KCNB2: variants seen among roughly 807,000 people sequenced by gnomAD.
KCNB2 encodes delayed rectifier potassium channel protein.
Under a neutral mutation model 61.5 loss-of-function variants are expected in KCNB2, and 15 were observed. The ratio of observed to expected loss-of-function variants is 0.24; its 90% CI spans 0.16 to 0.38. KCNB2 has a LOEUF of 0.38. KCNB2 is among the 10% of genes least tolerant of loss of function. The pLI is 1.00. For missense variants in KCNB2, 828 were observed against 1,125.2 expected, an observed-to-expected ratio of 0.74 and a Z score of 3.78; for synonymous variants, 457 against 446.0, an observed-to-expected ratio of 1.02 and a Z score of -0.31.
At chr8:72,691,979 G>T (rs1451830285) in intron 2 of KCNB2, among the ~76,000 whole-genome samples, 1 of 152,052 alleles carries the variant, frequency 6.6e-6, no homozygotes, top group African/African-American at 2.4e-5. Context: ...GCTCACACTT[G>T]TAATCCCAGC....
chr8:72,628,082 TAGC>T (rs965858877), intron 2 of KCNB2, among the ~76,000 whole-genome samples: 4 of 152,208 alleles, frequency 2.6e-5, no homozygotes, highest in African/African-American at 9.6e-5. Context: ...GCCTCCTGAG[TAGC>T]TGGGACTACA....
intron 2 of KCNB2, among the ~76,000 whole-genome samples, chr8:72,640,896 G>A (rs370014311): frequency 6.6e-5 from 10 of 152,134 alleles, no homozygotes; most frequent in South Asian, 4.1e-4. Context: ...TACGAAAATG[G>A]TATAAAAGTA....
At chr8:72,702,517 C>G (rs201537967) in intron 2 of KCNB2, among the ~76,000 whole-genome samples, 1 of 152,108 alleles carries the variant, frequency 6.6e-6, no homozygotes, top group African/African-American at 2.4e-5. Context: ...AAGTCAATTA[C>G]TTTGCTAGTG....
chr8:72,890,320 A>C (rs6472711), intron 2 of KCNB2, among the ~76,000 whole-genome samples: 137,437 of 151,898 alleles, frequency 0.9, 62,903 homozygotes, highest in Middle Eastern at 0.97. Context: ...GAGTGGCAGT[A>C]CAAAGGGTGT....
chr8:72,702,884 TC>T lies in KCNB2; in HGVS notation c.579+134573del, dbSNP rs1807156799. On this transcript the variant is annotated intron_variant, in intron 2 of 2. Coordinates refer to ENST00000523207, the MANE Select transcript of KCNB2 (RefSeq NM_004770.3). ...CAGGTGTCCTATGGATTTCCAGGGA[TC>T]CACTCCCCGTGGCATGTCTTTCCAT... is the stretch of plus-strand genomic sequence containing the variant. 2.0e-5 allele frequency among the ~76,000 whole-genome samples: 3 copies of T among 152,146 alleles called. No homozygotes were observed. The South Asian group carries it at 6.2e-4, about 32-fold the overall frequency.
At chr8:72,675,157 G>C (rs1180735708) in intron 2 of KCNB2, among the ~76,000 whole-genome samples, 1 of 151,584 alleles carries the variant, frequency 6.6e-6, no homozygotes, top group African/African-American at 2.4e-5. Flanking sequence ...CACAAAGCAA[G>C]GTAGTATATC....
chr8:72,655,413 A>G (rs1047033406), intron 2 of KCNB2, among the ~76,000 whole-genome samples: 6 of 152,116 alleles, frequency 3.9e-5, no homozygotes, highest in African/African-American at 1.2e-4. Flanking sequence ...ATTTACCTGT[A>G]TAACAAACCC....
At chr8:72,808,430 A>T (rs938737035) in intron 2 of KCNB2, among the ~76,000 whole-genome samples, 1 of 152,220 alleles carries the variant, frequency 6.6e-6, no homozygotes, top group East Asian at 1.9e-4. Flanking sequence ...AGCACCTAAT[A>T]TAGTGCCTGG....
chr8:72,712,388 G>C (rs913463002), intron 2 of KCNB2, among the ~76,000 whole-genome samples: 1 of 152,172 alleles, frequency 6.6e-6, no homozygotes, highest in Non-Finnish European at 1.5e-5. Flanking sequence ...CTTATGATAT[G>C]CTTTTTGTTT....
chr8:72,859,638 G>A (rs1220161548), intron 2 of KCNB2, among the ~76,000 whole-genome samples: 2 of 147,832 alleles, frequency 1.4e-5, no homozygotes, highest in African/African-American at 5.0e-5. Flanking sequence ...CTCTTGGATT[G>A]GCTTCTTTCA....
At chr8:72,771,090 G>A (rs79484586) in intron 2 of KCNB2, among the ~76,000 whole-genome samples, 2 of 152,212 alleles carry the variant, frequency 1.3e-5, no homozygotes, top group Non-Finnish European at 2.9e-5. Flanking sequence ...GCTGAAGTCT[G>A]TGGTTTCTCC....
chr8:72,863,572 T>C (rs1805453195), intron 2 of KCNB2, among the ~76,000 whole-genome samples: 1 of 152,228 alleles, frequency 6.6e-6, no homozygotes, highest in Admixed American at 6.5e-5. Flanking sequence ...TTCACCATTG[T>C]GTCATCATTA....
intron 2 of KCNB2, among the ~76,000 whole-genome samples, chr8:72,571,975 T>C (rs1465615318): frequency 6.6e-6 from 1 of 152,186 alleles, no homozygotes; most frequent in Non-Finnish European, 1.5e-5. Flanking sequence ...CCTGTAAATA[T>C]TGCATATAGT....
intron 2 of KCNB2, among the ~76,000 whole-genome samples, chr8:72,746,572 T>C (rs1436565733): frequency 6.6e-6 from 1 of 152,168 alleles, no homozygotes; most frequent in Non-Finnish European, 1.5e-5. Context: ...CTGGGAGACA[T>C]GTGGCTTCAT....
chr8:72,692,650 A>T (rs1036563867), intron 2 of KCNB2, among the ~76,000 whole-genome samples: 5 of 152,186 alleles, frequency 3.3e-5, no homozygotes, highest in Non-Finnish European at 7.3e-5. Context: ...TCTCACGTAC[A>T]TAATTTCACA....
rs1467103982 is a variant in KCNB2 at position 72,936,210 on chromosome 8, G to A, written c.855G>A (p.Glu285=). ...LPYYVTIFLT[E]SNKSVLQFQN... ...ACTATGTCACCATTTTTCTGACGGA[G>A]TCCAACAAGAGCGTGCTGCAGTTCC... is the stretch of plus-strand genomic sequence containing the variant. The change falls in exon 3 of 3, where the codon GAG becomes GAA. Residue 285 remains glutamate, a synonymous_variant. Coordinates refer to ENST00000523207, the MANE Select transcript of KCNB2 (RefSeq NM_004770.3). The surrounding 1 kb of genome is among the most constrained non-coding windows in gnomAD (Gnocchi z 5.6). 1 of 1,614,244 alleles carries A rather than the reference G, an allele frequency of 6.2e-7. No individual in the cohort carries two copies. Among genetic ancestry groups the A allele is most frequent in the South Asian group, 1.1e-5 (1 of 91,092 alleles).
At chr8:72,790,062 G>A (rs1808912208) in intron 2 of KCNB2, among the ~76,000 whole-genome samples, 2 of 152,172 alleles carry the variant, frequency 1.3e-5, no homozygotes, top group African/African-American at 4.8e-5. Flanking sequence ...AGTGGGTTCA[G>A]AGTGGATGAA....
At chr8:72,579,496 C>A (rs1806857414) in intron 2 of KCNB2, among the ~76,000 whole-genome samples, 1 of 152,172 alleles carries the variant, frequency 6.6e-6, no homozygotes, top group South Asian at 2.1e-4. Context: ...CTTGTCAACT[C>A]TTTAAAATCA....
At chr8:72,646,678 G>A (rs1235312866) in intron 2 of KCNB2, among the ~76,000 whole-genome samples, 1 of 152,150 alleles carries the variant, frequency 6.6e-6, no homozygotes, top group Non-Finnish European at 1.5e-5. Flanking sequence ...TCTTGAGAAG[G>A]CAAATTCATA....
Sources: allele counts gnomAD v4.1 joint callset (sites outside exome capture counted in the v4.1 genomes callset), GRCh38; gene constraint gnomAD v4.1.1; non-coding constraint Gnocchi (gnomAD v3.1); transcripts MANE v1.5; gene names NCBI Gene and HGNC (gene_info 2026-07-23, HGNC 2026-07-21).